Variants in FCMR observed in about 807,000 individuals in gnomAD.
FCMR encodes the protein Fc mu receptor, also known as immunoglobulin mu Fc receptor.
A neutral mutation model predicts 41.6 loss-of-function variants in FCMR; 34 were observed. The observed-to-expected ratio is 0.82, with a 90% CI of 0.62 to 1.09. The LOEUF is 1.09. FCMR is among the 50% of genes least tolerant of loss of function. The pLI is 0.00. For synonymous variants in FCMR, 209 were observed against 211.8 expected (o/e 0.99, Z 0.12); for missense variants, 496 against 512.5 (o/e 0.97, Z 0.31).
rs1010312106 is a variant in FCMR, at chr1:206,912,972, G to A, written c.444C>T (p.Phe148=). 1.5e-5 allele frequency: 25 copies of A among 1,613,756 alleles called. No individual in the cohort carries two copies. The highest frequency in any genetic ancestry group is 2.1e-5 in the Non-Finnish European group (25 of 1,179,660). The change falls in exon 3 of 8, where the codon TTC becomes TTT. Residue 148 remains phenylalanine, a synonymous_variant. Coordinates refer to ENST00000367091, the MANE Select transcript of FCMR (RefSeq NM_005449.5). Reference sequence around the variant, plus strand: ...AAGAACTGGCATATGCAGGCATCTGGAACAAATAGGGCAGATGAAACCATT... The same window carrying A: ...AAGAACTGGCATATGCAGGCATCTGAAACAAATAGGGCAGATGAAACCATT... The part of the protein sequence containing the change: ...TPKWFHLPYL[F]QMPAYASSSK...
Position 206,919,857 on chromosome 1 carries a change from C to G in FCMR, c.37+1961G>C, listed in dbSNP as rs1356495. Reference sequence around the variant, plus strand: ...TTTAGTTAACCAACCACCGTGCCCTCCTATGTCCTACTACCTCTCACAGTG... The same window carrying G: ...TTTAGTTAACCAACCACCGTGCCCTGCTATGTCCTACTACCTCTCACAGTG... On this transcript the variant is annotated intron_variant, in intron 1 of 7. Transcript: ENST00000367091. 3.5e-3 allele frequency among the ~76,000 whole-genome samples: 528 copies of G among 152,252 alleles called. 5 individuals carry two copies. The highest frequency in any genetic ancestry group is 0.03 in the South Asian group (147 of 4,824).
In FCMR at chr1:206,909,269, T is replaced by G. The variant is rs1678810616; in HGVS notation, c.1044+193A>C. Among the ~76,000 whole-genome samples, 1 of 152,170 alleles carries G rather than the reference T, an allele frequency of 6.6e-6. No individual in the cohort carries two copies. Among genetic ancestry groups the G allele is most frequent in the African/African-American group, 2.4e-5 (1 of 41,430 alleles). ...ACCAGGTCTTCTACAGTTCCCGGTA[T>G]TCAACCTCCTGACACCAAACAAGGA... On this transcript the variant is annotated intron_variant, in intron 7 of 7. Transcript: ENST00000367091. The surrounding 1 kb of genome is among the most constrained non-coding windows in gnomAD (Gnocchi z 5.0).
rs1171947855 is a variant in FCMR, at chr1:206,909,491, CG to C, written c.1014del (p.Gly339GlufsTer22). 1.6e-6 allele frequency: 2 copies of C among 1,285,586 alleles called. No homozygotes were observed. Among genetic ancestry groups the C allele is most frequent in the Non-Finnish European group, 2.0e-6 (2 of 1,018,198 alleles). The allele number at this position is 1,285,586 out of a possible 1,614,324, so 79.6% of individuals were successfully genotyped here. A position where few individuals can be genotyped will look rare whatever the true frequency, so the allele number is the denominator to read the frequency against. On this transcript the variant is annotated frameshift_variant, in exon 7 of 8. Coordinates refer to ENST00000367091, the MANE Select transcript of FCMR (RefSeq NM_005449.5). LOFTEE classifies it low-confidence loss of function (END_TRUNC). This position sits in a 1 kb window ranked among gnomAD's most constrained non-coding sequence, Gnocchi z 5.0. Reference sequence around the variant, plus strand: ...AGCGGGGCGGGGGGCAACGGCGCTCCGGGGCCGGGAACGGGGGCCTCCCCTG... The same window carrying C: ...AGCGGGGCGGGGGGCAACGGCGCTCCGGGCCGGGAACGGGGGCCTCCCCTG... ...AGTGEAPVPG[P>X]GAPLPPAPLQ... is the part of the protein sequence containing the mutation.
At chr1:206,916,644 T>G (rs567696509) in intron 1 of FCMR, among the ~76,000 whole-genome samples, 2 of 152,216 alleles carry the variant, frequency 1.3e-5, no homozygotes, top group Admixed American at 1.3e-4. Flanking sequence ...AAAAAGAAAC[T>G]AGTTCTCCTC....
intron 4 of FCMR, among the ~76,000 whole-genome samples, chr1:206,910,679 G>T (rs1017126164): frequency 6.6e-6 from 1 of 152,148 alleles, no homozygotes; most frequent in Middle Eastern, 3.4e-3. Context: ...TGCACCTTCC[G>T]GTGTTCAGCA....
rs775712193 is a variant in FCMR, at chr1:206,907,707, G to C, written c.1044+1755C>G. On this transcript the variant is annotated intron_variant, in intron 7 of 7. Transcript: ENST00000367091. ...ATCGTGGCTAACTAGGTACTGCTGG[G>C]CTGGAAGGTGGTTGTCGTACGCTGG... is the stretch of plus-strand genomic sequence containing the variant. 16 of 882,732 alleles carry C rather than the reference G, an allele frequency of 1.8e-5. No homozygotes were observed. In the Admixed American group the frequency reaches 2.4e-4, roughly 13 times the overall value. The allele number at this position is 882,732 out of a possible 1,614,324, so 54.7% of individuals were successfully genotyped here.
Position 206,910,348 on chromosome 1 carries a change from G to A in FCMR, c.711-8C>T. The A allele has an allele frequency of 2.0e-6, 3 of 1,533,250 alleles. No individual in the cohort carries two copies. The highest frequency in any genetic ancestry group is 2.6e-6 in the Non-Finnish European group (3 of 1,139,556). 95.0% of individuals were successfully genotyped at this position (1,533,250 alleles called of 1,614,324 possible). On this transcript the variant is annotated splice_polypyrimidine_tract_variant and splice_region_variant and intron_variant, in intron 4 of 7. Transcript: ENST00000367091. Reference sequence around the variant, plus strand: ...GAGCCATAGTCCAGTGCTCTGGGGAGGGAAGGAAAGGGAGAGAGGGAGGAA... The same window carrying A: ...GAGCCATAGTCCAGTGCTCTGGGGAAGGAAGGAAAGGGAGAGAGGGAGGAA...
rs1264898267 is a variant in FCMR at position 206,914,047 on chromosome 1, G to C, written c.85C>G (p.Leu29Val). ...CACTTGATGGTAACTGATCCGCCCAGCTCCCCCTCTACCTTTACTTCTGGG... is the reference window on the plus strand; with the variant it reads ...CACTTGATGGTAACTGATCCGCCCACCTCCCCCTCTACCTTTACTTCTGGG... ...ILPEVKVEGE[L>V]GGSVTIKCPL... is the part of the protein sequence containing the mutation. The change falls in exon 2 of 8, where the codon CTG becomes GTG. Residue 29 changes from leucine to valine, a missense_variant. Physicochemically the swap from Leu to Val is conservative, Grantham distance 32 (BLOSUM62 1). Transcript: ENST00000367091. The C allele has an allele frequency of 1.9e-6, 3 of 1,614,040 alleles. No homozygotes were observed. Among genetic ancestry groups the C allele is most frequent in the African/African-American group, 2.7e-5 (2 of 74,908 alleles).
intron 7 of FCMR, chr1:206,908,047 G>A: frequency 2.5e-6 from 3 of 1,209,330 alleles, no homozygotes; most frequent in South Asian, 1.2e-5. Context: ...CCTGGCTCAC[G>A]ATGGTGGCTG....
chr1:206,904,917 G>C lies in FCMR; in HGVS notation c.*102C>G. 8.2e-7 allele frequency: 1 copy of C among 1,216,432 alleles called. No homozygotes were observed. Among genetic ancestry groups the C allele is most frequent in the Non-Finnish European group, 1.2e-6 (1 of 831,382 alleles). The allele number at this position is 1,216,432 out of a possible 1,614,324, so 75.4% of individuals were successfully genotyped here. A position where few individuals can be genotyped will look rare whatever the true frequency, so the allele number is the denominator to read the frequency against. Reference sequence around the variant, plus strand: ...CGAGATGGGGCATGGGAAGTGATGAGGGCTCTGAGAACACATGAAGCAGGT... The same window carrying C: ...CGAGATGGGGCATGGGAAGTGATGACGGCTCTGAGAACACATGAAGCAGGT... On this transcript the variant is annotated 3_prime_UTR_variant, in exon 8 of 8. Coordinates refer to ENST00000367091, the MANE Select transcript of FCMR (RefSeq NM_005449.5).
chr1:206,914,236 TC>T lies in FCMR; in HGVS notation c.38-143del, dbSNP rs1679079330. On this transcript the variant is annotated intron_variant, in intron 1 of 7. Transcript: ENST00000367091. ...ACATTCATCCCCAGATCCAGCCCTG[TC>T]CCAATTATTAGCCTGGCCTCAGCCT... 3 of 636,868 alleles carry T rather than the reference TC, an allele frequency of 4.7e-6. No individual in the cohort carries two copies. In the Admixed American group the frequency reaches 8.0e-5, roughly 17 times the overall value. The allele number at this position is 636,868 out of a possible 1,614,324, so 39.5% of individuals were successfully genotyped here.
At chr1:206,907,682 A>G (rs773893216) in intron 7 of FCMR, 7 of 819,158 alleles carry the variant, frequency 8.5e-6, no homozygotes, top group Non-Finnish European at 1.3e-5. Context: ...CCTGGCGGCC[A>G]TCGTGGCTAA....
In FCMR at chr1:206,909,079, A is replaced by G. The variant is rs1678804267; in HGVS notation, c.1044+383T>C. On this transcript the variant is annotated intron_variant, in intron 7 of 7. Transcript: ENST00000367091. The surrounding 1 kb of genome is among the most constrained non-coding windows in gnomAD (Gnocchi z 5.0). ...AAAGTTCTCGCGCACAGGAAGGTGAACTGTCTAGGTAGCTTCCACCTCCCT... is the reference window on the plus strand; with the variant it reads ...AAAGTTCTCGCGCACAGGAAGGTGAGCTGTCTAGGTAGCTTCCACCTCCCT... Among the ~76,000 whole-genome samples, 1 of 152,138 alleles carries G rather than the reference A, an allele frequency of 6.6e-6. No individual in the cohort carries two copies. The highest frequency in any genetic ancestry group is 1.5e-5 in the Non-Finnish European group (1 of 68,016).
chr1:206,922,705 C>T (rs1030049379), upstream of FCMR, among the ~76,000 whole-genome samples: 3 of 152,216 alleles, frequency 2.0e-5, no homozygotes, highest in African/African-American at 7.2e-5. Flanking sequence ...GCCACTTTGC[C>T]TGAAGTCACA....
At chr1:206,908,717 T>C (rs985005564) in intron 7 of FCMR, among the ~76,000 whole-genome samples, 2 of 151,156 alleles carry the variant, frequency 1.3e-5, no homozygotes, top group Non-Finnish European at 2.9e-5. Flanking sequence ...AAATAAATTA[T>C]TTTTAAAGAA....
intron 7 of FCMR, among the ~76,000 whole-genome samples, chr1:206,907,080 CG>C (rs1678681729): frequency 3.9e-5 from 1 of 25,710 alleles, no homozygotes; most frequent in African/African-American, 1.8e-4. Context: ...CCGGAGAAGC[CG>C]GGGGGTGGGG....
At chr1:206,922,125 T>C, upstream of FCMR, 1 of 512,596 alleles carries the variant, frequency 2.0e-6, no homozygotes, top group Non-Finnish European at 3.5e-6. Flanking sequence ...TCAAAAGGCA[T>C]CTAAGAAGTT....
Position 206,909,783 on chromosome 1 carries a change from G to A in FCMR, c.927C>T (p.Arg309=). Reference sequence around the variant, plus strand: ...AGGCGCTGTAGATGTTGTTTTGGGAGCGCGGTCGCGGCGACCCGCGGGGCC... The same window carrying A: ...AGGCGCTGTAGATGTTGTTTTGGGAACGCGGTCGCGGCGACCCGCGGGGCC... The part of the protein sequence containing the change: ...SQRPRGSPRP[R]SQNNIYSACP... Residue 309 remains arginine, a synonymous_variant, in exon 6 of 8, where the codon CGC becomes CGT. Coordinates refer to ENST00000367091, the MANE Select transcript of FCMR (RefSeq NM_005449.5). The surrounding 1 kb of genome is among the most constrained non-coding windows in gnomAD (Gnocchi z 5.0). 1.4e-6 allele frequency: 2 copies of A among 1,455,432 alleles called. No individual in the cohort carries two copies. Among genetic ancestry groups the A allele is most frequent in the Non-Finnish European group, 1.8e-6 (2 of 1,112,234 alleles). 90.2% of individuals were successfully genotyped at this position (1,455,432 alleles called of 1,614,324 possible).
chr1:206,909,431 G>A lies in FCMR; in HGVS notation c.1044+31C>T. 3 of 1,221,460 alleles carry A rather than the reference G, an allele frequency of 2.5e-6. No homozygotes were observed. The highest frequency in any genetic ancestry group is 3.1e-6 in the Non-Finnish European group (3 of 976,712). The allele number at this position is 1,221,460 out of a possible 1,614,324, so 75.7% of individuals were successfully genotyped here. A position where few individuals can be genotyped will look rare whatever the true frequency, so the allele number is the denominator to read the frequency against. The stretch of plus-strand genomic sequence containing the variant: ...GGCTGGGGCCGCCCAGTCGGGCCGC[G>A]GCTGCCAATCAGGGCAGGAGCGGAG... On this transcript the variant is annotated intron_variant, in intron 7 of 7. Transcript: ENST00000367091. The surrounding 1 kb of genome is among the most constrained non-coding windows in gnomAD (Gnocchi z 5.0).
Sources: gnomAD v4.1 joint callset for allele counts (sites outside exome capture counted in the v4.1 genomes callset) on GRCh38, gnomAD v4.1.1 for gene constraint, Gnocchi (gnomAD v3.1) non-coding constraint, MANE v1.5 for transcripts, NCBI Gene and HGNC (gene_info 2026-07-23, HGNC 2026-07-21) for gene names.